Variants in CLMP observed in about 807,000 individuals in gnomAD.
CLMP encodes CXADR-like membrane protein.
A neutral mutation model predicts 45.2 loss-of-function variants in CLMP; 27 were observed. That is an observed-to-expected ratio of 0.60 (90% CI 0.44 to 0.82). The LOEUF (loss-of-function observed/expected upper bound fraction) is 0.82. CLMP is among the 40% of genes least tolerant of loss of function. The probability of loss-of-function intolerance (pLI) is 0.00; values close to 1 mark genes in which losing one functional copy is unlikely to be tolerated. For missense variants in CLMP, 403 were observed against 448.4 expected, an observed-to-expected ratio of 0.90 and a Z score of 0.91; for synonymous variants, 167 against 171.4, an observed-to-expected ratio of 0.97 and a Z score of 0.20.
chr11:123,112,338 C>CTTTTTTT (rs544128953), intron 1 of CLMP, among the ~76,000 whole-genome samples: 3 of 137,558 alleles, frequency 2.2e-5, no homozygotes, highest in Non-Finnish European at 4.7e-5. Context: ...TTTTCTTTTT[C>CTTTTTTT]TTTTTTTTTT....
At chr11:123,120,573 A>G (rs1205878474) in intron 1 of CLMP, among the ~76,000 whole-genome samples, 1 of 152,162 alleles carries the variant, frequency 6.6e-6, no homozygotes, top group Non-Finnish European at 1.5e-5. Context: ...ATTGTATTCA[A>G]TTATTTGATG....
intron 5 of CLMP, among the ~76,000 whole-genome samples, chr11:123,079,476 C>T (rs924174722): frequency 2.6e-5 from 4 of 151,926 alleles, no homozygotes; most frequent in African/African-American, 4.8e-5. Context: ...GTTTTTGAGA[C>T]GGAGTCTCTC....
chr11:123,076,945 A>G (rs1475355870), intron 5 of CLMP, among the ~76,000 whole-genome samples: 1 of 144,562 alleles, frequency 6.9e-6, no homozygotes, highest in Non-Finnish European at 1.5e-5. Context: ...GTACATGGAT[A>G]TTGCCTATAT....
chr11:123,125,770 A>AT (rs1398645459), intron 1 of CLMP, among the ~76,000 whole-genome samples: 1 of 150,476 alleles, frequency 6.6e-6, no homozygotes, highest in Non-Finnish European at 1.5e-5. Flanking sequence ...CGCCTGGCTA[A>AT]TTTTTTTGTA....
chr11:123,074,981 G>A (rs1400806623), intron 5 of CLMP, 138 bp from the exon 6 acceptor site: 1 of 998,792 alleles, frequency 1.0e-6, no homozygotes, highest in Non-Finnish European at 1.4e-6. Context: ...TTGAGACGGA[G>A]TTTCACTCTT....
At chr11:123,145,588 G>A (rs990253856) in intron 1 of CLMP, among the ~76,000 whole-genome samples, 1 of 150,290 alleles carries the variant, frequency 6.7e-6, no homozygotes, top group Non-Finnish European at 1.5e-5. Context: ...TCAGCTTCCC[G>A]AGTAGCTGGG....
chr11:123,098,032 A>G, intron 1 of CLMP, 80 bp from the exon 2 acceptor site: 6 of 1,242,196 alleles, frequency 4.8e-6, no homozygotes, highest in Non-Finnish European at 6.5e-6. Flanking sequence ...ACAAAGAATT[A>G]TGGGATGTTC....
intron 1 of CLMP, among the ~76,000 whole-genome samples, chr11:123,108,291 T>C (rs1251908523): frequency 6.6e-6 from 1 of 152,240 alleles, no homozygotes; most frequent in African/African-American, 2.4e-5. Flanking sequence ...ACTGTCTTTT[T>C]AAATACAAAC....
intron 1 of CLMP, among the ~76,000 whole-genome samples, chr11:123,108,484 G>A (rs1315883962): frequency 6.6e-6 from 1 of 152,134 alleles, no homozygotes; most frequent in African/African-American, 2.4e-5. Context: ...GGACCCAGGT[G>A]ACAGCCTGAG....
chr11:123,154,510 GT>G (rs1427169690), intron 1 of CLMP, among the ~76,000 whole-genome samples: 1 of 152,082 alleles, frequency 6.6e-6, no homozygotes, highest in Non-Finnish European at 1.5e-5. Context: ...TTATTCTGAA[GT>G]TTTATACTGT....
At position 123,161,258 on chromosome 11, in the gene CLMP, C is replaced by T. The variant is rs187870873; in HGVS notation, c.28+33655G>A. 5.1e-4 allele frequency among the ~76,000 whole-genome samples: 78 copies of T among 152,300 alleles called. 1 individual carries two copies. Among genetic ancestry groups the T allele is most frequent in the East Asian group, 3.9e-3 (20 of 5,178 alleles). On this transcript the variant is annotated intron_variant, in intron 1 of 6. Coordinates refer to ENST00000448775, the MANE Select transcript of CLMP (RefSeq NM_024769.5). ...TTATAATCTATTTGAGACTGTAGAA[C>T]TGAGACAGATGGAGCAAATAATTTA...
At chr11:123,106,382 GGTGTGTGTGTGTGTGTGTGTGT>G (rs539659160) in intron 1 of CLMP, among the ~76,000 whole-genome samples, 1 of 135,204 alleles carries the variant, frequency 7.4e-6, no homozygotes, top group African/African-American at 2.8e-5. Flanking sequence ...TTCTGTAGGA[GGTGTGTGTGTGTGTGTGTGTGT>G]GTGTGTGTGT....
chr11:123,074,712 T>G lies in CLMP; in HGVS notation c.811A>C (p.Asn271His). Residue 271 changes from asparagine to histidine, a missense_variant, in exon 6 of 7, where the codon AAT becomes CAT. By Grantham distance (68) the Asn-to-His change is moderately conservative. Transcript: ENST00000448775. ...KERYEEEERP[N>H]EIREDAEAPK... The stretch of plus-strand genomic sequence containing the variant: ...ATGTGGGAGGTTTACCGAATTTCAT[T>G]AGGTCTCTCTTCTTCCTCATATCTT... 1 of 1,614,048 alleles carries G rather than the reference T, an allele frequency of 6.2e-7. No individual in the cohort carries two copies.
chr11:123,151,192 G>A (rs1053914216), intron 1 of CLMP, among the ~76,000 whole-genome samples: 2 of 152,212 alleles, frequency 1.3e-5, no homozygotes, highest in Non-Finnish European at 1.5e-5. Flanking sequence ...GCCATGGAGA[G>A]GGAACCATTG....
intron 5 of CLMP, 150 bp downstream of exon 5, chr11:123,082,935 A>T: frequency 2.2e-6 from 2 of 906,392 alleles, no homozygotes; most frequent in Admixed American, 2.5e-5. Context: ...CTTTGCAACT[A>T]CTGAATTTAT....
chr11:123,152,566 A>ATAAAT (rs1555084855), intron 1 of CLMP, among the ~76,000 whole-genome samples: 8 of 143,918 alleles, frequency 5.6e-5, no homozygotes, highest in East Asian at 2.0e-4. Flanking sequence ...AAATAAATAA[A>ATAAAT]AAATAAATAA....
rs533551997 is a variant in CLMP at position 123,074,897 on chromosome 11, T to C, written c.680-54A>G. On this transcript the variant is annotated intron_variant, in intron 5 of 6. Transcript: ENST00000448775. ...AAAACCAAACGTAAGCTAGGAAATA[T>C]GTTATTAACTCAAAAAACATAAGCT... 226 of 1,566,460 alleles carry C rather than the reference T, an allele frequency of 1.4e-4. 3 individuals carry two copies. The South Asian group carries it at 2.4e-3, about 16-fold the overall frequency.
At chr11:123,138,708 C>T (rs1490530036) in intron 1 of CLMP, among the ~76,000 whole-genome samples, 6 of 150,408 alleles carry the variant, frequency 4.0e-5, no homozygotes, top group Admixed American at 1.3e-4. Context: ...AGCTGGAGTG[C>T]GATGGCACGA....
intron 2 of CLMP, among the ~76,000 whole-genome samples, chr11:123,093,646 G>A (rs147399355): frequency 0.036 from 3,153 of 87,226 alleles, 103 homozygotes; most frequent in East Asian, 0.2. Context: ...TAGGATTACA[G>A]GTGTGAGCCA....
Sources: gnomAD v4.1 joint callset for allele counts (sites outside exome capture counted in the v4.1 genomes callset) on GRCh38, gnomAD v4.1.1 for gene constraint, MANE v1.5 for transcripts, NCBI Gene and HGNC (gene_info 2026-07-23, HGNC 2026-07-21) for gene names.